Variants in MED24 observed in about 807,000 individuals in gnomAD.
The protein encoded by MED24 is mediator complex subunit 24.
In MED24, 74 loss-of-function variants were observed where a neutral mutation model predicts 118.8. The observed-to-expected ratio is 0.62, with a 90% CI of 0.52 to 0.76. MED24 has a LOEUF of 0.76. Ranked by LOEUF, MED24 falls within the 30% of genes least tolerant of loss-of-function variation. The pLI is 0.00. For missense variants in MED24, 1,041 were observed against 1,278.9 expected, an observed-to-expected ratio of 0.81 and a Z score of 2.84; for synonymous variants, 521 against 523.9, an observed-to-expected ratio of 0.99 and a Z score of 0.08.
At chr17:40,044,644 G>A (rs1487429675) in intron 3 of MED24, among the ~76,000 whole-genome samples, 1 of 152,142 alleles carries the variant, frequency 6.6e-6, no homozygotes, top group Non-Finnish European at 1.5e-5. Flanking sequence ...CACTTTGGGA[G>A]GCCGAGGTGG....
intron 24 of MED24, 148 bp downstream of exon 24, chr17:40,020,125 G>T: frequency 9.7e-7 from 1 of 1,029,104 alleles, no homozygotes; most frequent in Non-Finnish European, 1.4e-6. Context: ...GGAGCCTGGG[G>T]GCCAGGACAG....
At chr17:40,044,831 A>G (rs1598366451) in intron 3 of MED24, among the ~76,000 whole-genome samples, 1 of 150,188 alleles carries the variant, frequency 6.7e-6, no homozygotes, top group Non-Finnish European at 1.5e-5. Flanking sequence ...GTGAGCCAAG[A>G]TTGCACCACT....
intron 19 of MED24, among the ~76,000 whole-genome samples, chr17:40,024,813 G>T: frequency 6.6e-6 from 1 of 152,062 alleles, no homozygotes; most frequent in East Asian, 1.9e-4. Flanking sequence ...TCGGCTCACT[G>T]CAACCTCCGC....
intron 23 of MED24, chr17:40,020,651 GTGCCA>G: frequency 2.4e-6 from 1 of 416,272 alleles, no homozygotes; most frequent in East Asian, 6.3e-5. Context: ...GCTGGGTGTG[GTGCCA>G]ACGCCTGTAG....
At chr17:40,019,690 G>C (rs775414304) in intron 25 of MED24, 45 bp from the exon 26 acceptor site, 2 of 1,580,812 alleles carry the variant, frequency 1.3e-6, no homozygotes, top group East Asian at 4.5e-5. Flanking sequence ...GCTGGTGGTG[G>C]GTGTGCTGTC....
At chr17:40,048,056 T>C (rs1985440427) in intron 3 of MED24, among the ~76,000 whole-genome samples, 1 of 152,278 alleles carries the variant, frequency 6.6e-6, no homozygotes. Context: ...TATGCTATGT[T>C]AATTAAAATA....
chr17:40,050,973 C>T (rs1985772302), intron 3 of MED24, among the ~76,000 whole-genome samples: 1 of 151,922 alleles, frequency 6.6e-6, no homozygotes, highest in Non-Finnish European at 1.5e-5. Flanking sequence ...CCAGTCTCTA[C>T]TAAAAATACA....
chr17:40,024,794 G>A (rs1982448599), intron 19 of MED24, among the ~76,000 whole-genome samples: 1 of 152,050 alleles, frequency 6.6e-6, no homozygotes, highest in African/African-American at 2.4e-5. Flanking sequence ...GGAGTGCAGT[G>A]GCGTGATCTC....
At position 40,054,348 on chromosome 17, in the gene MED24, A is replaced by G. The variant is rs1986130191; in HGVS notation, c.-38+13T>C. The G allele has an allele frequency of 6.6e-6, 1 of 152,276 alleles. No homozygotes were observed. Among genetic ancestry groups the G allele is most frequent in the Non-Finnish European group, 1.5e-5 (1 of 68,206 alleles). 9.4% of individuals were successfully genotyped at this position (152,276 alleles called of 1,614,324 possible). A position where few individuals can be genotyped will look rare whatever the true frequency, so the allele number is the denominator to read the frequency against. On this transcript the variant is annotated intron_variant, in intron 1 of 25. Coordinates refer to ENST00000394128, the MANE Select transcript of MED24 (RefSeq NM_014815.4). ...TTCCTTTTCATCCACCACCTCCCCAAATTTAAGCCTACCGCACAATCCAGT... is the reference window on the plus strand; with the variant it reads ...TTCCTTTTCATCCACCACCTCCCCAGATTTAAGCCTACCGCACAATCCAGT...
In MED24 at chr17:40,027,038, G is replaced by C. The variant is rs58631348; in HGVS notation, c.1531-4C>G. On this transcript the variant is annotated splice_region_variant and splice_polypyrimidine_tract_variant and intron_variant, in intron 16 of 25. Coordinates refer to ENST00000394128, the MANE Select transcript of MED24 (RefSeq NM_014815.4). ...TGCGCGACTCGGACAGAATCACCTG[G>C]GAAAGGGGAAGGGGGGCACCAGCCG... is the stretch of plus-strand genomic sequence containing the variant. 3,989 of 1,613,982 alleles carry C rather than the reference G, an allele frequency of 2.5e-3. 87 individuals carry two copies. In the African/African-American group the frequency reaches 0.048, roughly 19 times the overall value.
At chr17:40,040,391 T>C (rs558020109) in intron 3 of MED24, among the ~76,000 whole-genome samples, 1 of 152,062 alleles carries the variant, frequency 6.6e-6, no homozygotes, top group Admixed American at 6.5e-5. Context: ...GACTTTCGTA[T>C]TTTTTGCAGA....
At chr17:40,045,600 C>T (rs987866929) in intron 3 of MED24, among the ~76,000 whole-genome samples, 1 of 151,812 alleles carries the variant, frequency 6.6e-6, no homozygotes, top group Non-Finnish European at 1.5e-5. Context: ...GCCTGAGCAA[C>T]ATGGCGAAAC....
intron 19 of MED24, among the ~76,000 whole-genome samples, chr17:40,024,737 T>C (rs1468957950): frequency 6.6e-6 from 1 of 152,058 alleles, no homozygotes; most frequent in Non-Finnish European, 1.5e-5. Context: ...GTTTCTTTTG[T>C]TTTTGTTTTG....
At chr17:40,043,784 A>G (rs1278829665) in intron 3 of MED24, among the ~76,000 whole-genome samples, 4 of 151,172 alleles carry the variant, frequency 2.6e-5, no homozygotes, top group African/African-American at 2.4e-5. Context: ...CCAGCTACTC[A>G]GGAGGCTGAG....
intron 13 of MED24, 56 bp downstream of exon 13, chr17:40,029,692 G>A: frequency 6.7e-7 from 1 of 1,490,308 alleles, no homozygotes; most frequent in Non-Finnish European, 9.4e-7. Context: ...GCAAGCAGAT[G>A]GAGCACTGGA....
At chr17:40,026,010 A>G (rs751719201) in intron 19 of MED24, 146 bp downstream of exon 19, 7 of 787,624 alleles carry the variant, frequency 8.9e-6, no homozygotes, top group Non-Finnish European at 1.2e-5. Context: ...GCTGAGTCAG[A>G]TGAGTGAATG....
chr17:40,034,076 T>C (rs950013617), intron 6 of MED24, among the ~76,000 whole-genome samples: 22 of 152,298 alleles, frequency 1.4e-4, no homozygotes, highest in African/African-American at 4.8e-4. Context: ...CTAAGCCATA[T>C]TGGTTAGCAC....
chr17:40,028,830 T>A lies in MED24; in HGVS notation c.1405A>T (p.Ile469Phe). 1 of 1,613,892 alleles carries A rather than the reference T, an allele frequency of 6.2e-7. No individual in the cohort carries two copies. ...CAGGGGCTTGGCCTTCCTCACTTGA[T>A]GAATTTCCGGGCGAAGGATTTCAGC... ...GKLKSFARKF[I>F]NLNEFTTYGS... Residue 469 changes from isoleucine to phenylalanine, a missense_variant, in exon 14 of 26, where the codon ATC becomes TTC. Ile to Phe is a conservative substitution (Grantham distance 21). This residue lies in a region of MED24 where 587 missense variants were observed against 694.4 expected (regional missense o/e 0.85). Coordinates refer to ENST00000394128, the MANE Select transcript of MED24 (RefSeq NM_014815.4).
rs377258028 is a variant in MED24, at chr17:40,021,963, G to A, written c.2615C>T (p.Ser872Leu). The A allele has an allele frequency of 4.8e-5, 77 of 1,601,286 alleles. 1 individual carries two copies. The highest frequency in any genetic ancestry group is 4.2e-4 in the South Asian group (38 of 89,652). ...SSNEDDANIL[S>L]SPTDRSMSSS... ...CCAGCCCACACACTCACTGGGGCTC[G>A]AAAGGATGTTGGCATCGTCCTCATT... is the stretch of plus-strand genomic sequence containing the variant. The change falls in exon 23 of 26, where the codon TCG becomes TTG. Residue 872 changes from serine to leucine, a missense_variant. By Grantham distance (145) the Ser-to-Leu change is moderately radical. This residue lies in a region of MED24 where 587 missense variants were observed against 694.4 expected (regional missense o/e 0.85). Coordinates refer to ENST00000394128, the MANE Select transcript of MED24 (RefSeq NM_014815.4).
Sources: gnomAD v4.1 joint callset for allele counts (sites outside exome capture counted in the v4.1 genomes callset) on GRCh38, gnomAD v4.1.1 for gene constraint, gnomAD v4.1.1 regional missense constraint, MANE v1.5 for transcripts, NCBI Gene and HGNC (gene_info 2026-07-23, HGNC 2026-07-21) for gene names.